The following MCM9 variants were observed in gnomAD, a reference collection of about 807,000 sequenced individuals.
MCM9 encodes the protein minichromosome maintenance 9 homologous recombination repair factor.
A neutral mutation model predicts 72.8 loss-of-function variants in MCM9; 55 were observed. That is an observed-to-expected ratio of 0.76 (90% confidence interval 0.61 to 0.95). MCM9 has a LOEUF of 0.95. Ranked by LOEUF, MCM9 falls within the 40% of genes least tolerant of loss-of-function variation. The pLI is 0.00. For synonymous variants in MCM9, 480 were observed against 503.4 expected, an observed-to-expected ratio of 0.95 and a Z score of 0.62; for missense variants, 1,279 against 1,377.0, an observed-to-expected ratio of 0.93 and a Z score of 1.13.
At chr6:118,898,510 C>T (rs1428080196) in intron 8 of MCM9, among the ~76,000 whole-genome samples, 1 of 151,562 alleles carries the variant, frequency 6.6e-6, no homozygotes, top group Admixed American at 6.6e-5. Flanking sequence ...CTGCAACCTC[C>T]GCCTCCAGGG....
chr6:118,852,015 T>C (rs1776256594), intron 9 of MCM9, among the ~76,000 whole-genome samples: 1 of 152,164 alleles, frequency 6.6e-6, no homozygotes, highest in Non-Finnish European at 1.5e-5. Context: ...GCAAGCATCA[T>C]AGAGTGTACT....
chr6:118,816,259 C>A lies in MCM9; in HGVS notation c.1997G>T (p.Arg666Leu). The A allele has an allele frequency of 6.5e-7, 1 of 1,548,410 alleles. No homozygotes were observed. Among genetic ancestry groups the A allele is most frequent in the Non-Finnish European group, 8.7e-7 (1 of 1,145,734 alleles). ...QNQSVHQSQPRVLEVETTPGS... is the reference protein window; with the variant it reads ...QNQSVHQSQPLVLEVETTPGS... ...TGGAGTAGTCTCTACCTCCAATACC[C>A]GTGGTTGGGATTGGTGCACACTCTG... Residue 666 changes from arginine to leucine, a missense_variant, in exon 14 of 14, where the codon CGG becomes CTG. Coordinates refer to ENST00000619706, the MANE Select transcript of MCM9 (RefSeq NM_017696.3).
At chr6:118,907,664 C>T (rs752645451) in intron 8 of MCM9, 1 of 1,434,022 alleles carries the variant, frequency 7.0e-7, no homozygotes, top group Non-Finnish European at 9.8e-7. Flanking sequence ...ATACACAGAA[C>T]TATTTCCCTG....
chr6:118,836,782 C>A (rs1442552164), intron 9 of MCM9, among the ~76,000 whole-genome samples: 1 of 152,080 alleles, frequency 6.6e-6, no homozygotes, highest in Non-Finnish European at 1.5e-5. Context: ...TTCATCTTTT[C>A]AAAAATGAGC....
intron 8 of MCM9, among the ~76,000 whole-genome samples, chr6:118,875,653 A>T (rs1345612526): frequency 2.2e-5 from 1 of 44,806 alleles, no homozygotes; most frequent in Non-Finnish European, 4.0e-5. Flanking sequence ...TAATAATAAT[A>T]ATTAAAATAA....
Position 118,871,314 on chromosome 6 carries a change from T to G in MCM9, c.1151-14769A>C, listed in dbSNP as rs140061671. On this transcript the variant is annotated intron_variant, in intron 8 of 13. Transcript: ENST00000619706. Reference sequence around the variant, plus strand: ...AGTATTTATCCACAGGTTACAAGGTTGGTTCCACATATGCTAATCAGTAAA... The same window carrying G: ...AGTATTTATCCACAGGTTACAAGGTGGGTTCCACATATGCTAATCAGTAAA... Among the ~76,000 whole-genome samples the G allele has an allele frequency of 9.8e-3, 1,498 of 152,364 alleles. 26 individuals carry two copies. Among genetic ancestry groups the G allele is most frequent in the African/African-American group, 0.034 (1,409 of 41,582 alleles).
At chr6:118,928,838 G>A (rs1782129796) in intron 3 of MCM9, among the ~76,000 whole-genome samples, 1 of 151,472 alleles carries the variant, frequency 6.6e-6, no homozygotes, top group Non-Finnish European at 1.5e-5. Context: ...CTGGGCAACA[G>A]AGTGAGACCC....
chr6:118,908,934 T>C (rs1780349281), intron 8 of MCM9: 1 of 152,628 alleles, frequency 6.6e-6, no homozygotes, highest in Admixed American at 6.5e-5. Context: ...CTGAGTTGTA[T>C]ATATTTCCTA....
chr6:118,887,082 G>C lies in MCM9; in HGVS notation c.1150+24568C>G, dbSNP rs550730522. Among the ~76,000 whole-genome samples the C allele has an allele frequency of 1.2e-4, 18 of 152,358 alleles. No homozygotes were observed. In the South Asian group the frequency reaches 3.7e-3, roughly 32 times the overall value. On this transcript the variant is annotated intron_variant, in intron 8 of 13. Transcript: ENST00000619706. ...GCAGTACTCCCCAAAGGGATGTATA[G>C]ATTCAATGCAATCCCTATCACAATC...
rs199840242 is a variant in MCM9 at position 118,923,936 on chromosome 6, A to G, written c.496T>C (p.Phe166Leu). The G allele has an allele frequency of 5.0e-6, 8 of 1,614,240 alleles. No homozygotes were observed. The highest frequency in any genetic ancestry group is 3.3e-5 in the Admixed American group (2 of 60,020). ...IKADFEQYYTFCRPSSCPSLE... is the reference protein window; with the variant it reads ...IKADFEQYYTLCRPSSCPSLE... ...CTGGGACACGAGGATGGCCGGCAAA[A>G]GGTGTAATACTGCTCAAAGTCAGCC... is the stretch of plus-strand genomic sequence containing the variant. The change falls in exon 4 of 14, where the codon TTT (phenylalanine) becomes CTT (leucine). Residue 166 changes from phenylalanine to leucine, a missense_variant. Coordinates refer to ENST00000619706, the MANE Select transcript of MCM9 (RefSeq NM_017696.3).
intron 5 of MCM9, 25 bp downstream of exon 5, chr6:118,921,980 T>TAA: frequency 6.5e-7 from 1 of 1,549,396 alleles, no homozygotes; most frequent in South Asian, 1.2e-5. Flanking sequence ...CTACACAAGC[T>TAA]AAAAAAAAAT....
chr6:118,913,499 GACCA>G, intron 6 of MCM9, 79 bp from the exon 7 acceptor site: 1 of 1,559,636 alleles, frequency 6.4e-7, no homozygotes, highest in Non-Finnish European at 8.8e-7. Context: ...TTTCCTATCT[GACCA>G]TCCTCATTTA....
chr6:118,844,347 AGAGT>A (rs199837909), intron 9 of MCM9, among the ~76,000 whole-genome samples: 2,208 of 151,846 alleles, frequency 0.015, 30 homozygotes, highest in Non-Finnish European at 0.024. Flanking sequence ...AGAGTGAGAC[AGAGT>A]GAGTGTTATG....
At chr6:118,888,920 G>A (rs1247997440) in intron 8 of MCM9, among the ~76,000 whole-genome samples, 1 of 152,026 alleles carries the variant, frequency 6.6e-6, no homozygotes, top group East Asian at 1.9e-4. Context: ...TACTGCTTGG[G>A]GGATATGCTG....
chr6:118,901,291 TG>T (rs1279211055), intron 8 of MCM9, among the ~76,000 whole-genome samples: 1 of 152,228 alleles, frequency 6.6e-6, no homozygotes, highest in Admixed American at 6.5e-5. Context: ...CTTCAGTTTA[TG>T]GTTTCAGCCA....
At chr6:118,894,823 G>T (rs901728939) in intron 8 of MCM9, among the ~76,000 whole-genome samples, 31 of 152,208 alleles carry the variant, frequency 2.0e-4, no homozygotes, top group African/African-American at 7.0e-4. Context: ...CGCTCCCGCT[G>T]CGCCGCCTGA....
intron 4 of MCM9, 53 bp downstream of exon 4, chr6:118,923,758 T>C (rs767648937): frequency 9.3e-6 from 14 of 1,498,408 alleles, no homozygotes; most frequent in Admixed American, 1.8e-5. Flanking sequence ...AATGTGCCCA[T>C]AGCTGAAAAA....
At chr6:118,909,309 CA>C (rs1343506606) in intron 8 of MCM9, 1 of 152,140 alleles carries the variant, frequency 6.6e-6, no homozygotes, top group Non-Finnish European at 1.5e-5. Context: ...GTAGTGACAT[CA>C]AAGGGTTAGG....
chr6:118,831,371 G>A (rs913267337), intron 9 of MCM9, among the ~76,000 whole-genome samples: 1 of 151,644 alleles, frequency 6.6e-6, no homozygotes, highest in African/African-American at 2.4e-5. Flanking sequence ...AGTTGGGGGT[G>A]GGGAGAACTA....
Sources: allele counts gnomAD v4.1 joint callset (sites outside exome capture counted in the v4.1 genomes callset), GRCh38; gene constraint gnomAD v4.1.1; transcripts MANE v1.5; gene names NCBI Gene and HGNC (gene_info 2026-07-23, HGNC 2026-07-21).